Variants in RAPGEF5 observed in about 807,000 individuals in gnomAD.
The protein encoded by RAPGEF5 is M-Ras-regulated GEF.
A neutral mutation model predicts 125.2 loss-of-function variants in RAPGEF5; 65 were observed. The observed-to-expected ratio is 0.52, with a 90% confidence interval of 0.43 to 0.64. The LOEUF is 0.64. Ranked by LOEUF, RAPGEF5 falls within the 30% of genes least tolerant of loss-of-function variation. RAPGEF5 has a pLI of 0.00. For synonymous variants in RAPGEF5, 391 were observed against 385.9 expected, an observed-to-expected ratio of 1.01 and a Z score of -0.16; for missense variants, 958 against 1,048.1, an observed-to-expected ratio of 0.91 and a Z score of 1.19.
chr7:22,308,310 T>C (rs371971866), intron 5 of RAPGEF5, 29 bp downstream of exon 5: 11 of 1,555,364 alleles, frequency 7.1e-6, no homozygotes, highest in Non-Finnish European at 9.6e-6. Context: ...AGTGTAAGAA[T>C]ACAATGGCAC....
At position 22,347,780 on chromosome 7, in the gene RAPGEF5, C is replaced by A. The variant is rs1401473585; in HGVS notation, c.231+9050G>T. Among the ~76,000 whole-genome samples the A allele has an allele frequency of 2.0e-5, 3 of 152,152 alleles. No homozygotes were observed. In the East Asian group the frequency reaches 5.8e-4, roughly 29 times the overall value. ...CATCTGCGACATAAGATTGTTGTTACCAGGTCTAAATGAGTTACTGTTCTT... is the reference window on the plus strand; with the variant it reads ...CATCTGCGACATAAGATTGTTGTTAACAGGTCTAAATGAGTTACTGTTCTT... On this transcript the variant is annotated intron_variant, in intron 1 of 25. Coordinates refer to ENST00000665637, the MANE Select transcript of RAPGEF5 (RefSeq NM_012294.5).
intron 1 of RAPGEF5, among the ~76,000 whole-genome samples, chr7:22,330,826 G>A (rs561741453): frequency 5.4e-4 from 82 of 152,272 alleles, no homozygotes; most frequent in African/African-American, 2.0e-3. Flanking sequence ...CTGACCTGAA[G>A]GCACATGGTC....
intron 14 of RAPGEF5, among the ~76,000 whole-genome samples, chr7:22,159,082 G>T (rs890333796): frequency 6.6e-6 from 1 of 152,218 alleles, no homozygotes; most frequent in Non-Finnish European, 1.5e-5. Context: ...TTTCCCAGCT[G>T]TAACAGGTCT....
chr7:22,236,290 A>T (rs1190249353), intron 7 of RAPGEF5, among the ~76,000 whole-genome samples: 2 of 152,028 alleles, frequency 1.3e-5, no homozygotes, highest in East Asian at 3.9e-4. Flanking sequence ...TTATTCTCAA[A>T]TCTGTCTCCA....
intron 1 of RAPGEF5, among the ~76,000 whole-genome samples, chr7:22,340,440 GAGA>G (rs1330644080): frequency 1.3e-5 from 2 of 152,318 alleles, no homozygotes; most frequent in East Asian, 3.9e-4. Context: ...GACCAAACCA[GAGA>G]AGGAGATGGT....
intron 25 of RAPGEF5, among the ~76,000 whole-genome samples, chr7:22,123,284 G>A (rs959091246): frequency 5.3e-5 from 8 of 152,246 alleles, no homozygotes; most frequent in Admixed American, 3.3e-4. Context: ...TGCTGATAAG[G>A]AACCAGGATG....
At chr7:22,188,991 T>C (rs768374430) in intron 11 of RAPGEF5, among the ~76,000 whole-genome samples, 3 of 149,418 alleles carry the variant, frequency 2.0e-5, no homozygotes, top group Non-Finnish European at 4.4e-5. Flanking sequence ...AGGCAAGCTG[T>C]GTAGACACGT....
At chr7:22,239,979 C>T (rs566503219) in intron 7 of RAPGEF5, among the ~76,000 whole-genome samples, 4 of 151,788 alleles carry the variant, frequency 2.6e-5, no homozygotes, top group Admixed American at 6.6e-5. Context: ...GAGGCCGAGG[C>T]GGGCGGATCA....
intron 6 of RAPGEF5, among the ~76,000 whole-genome samples, chr7:22,284,067 C>CTGTGTG (rs1554273151): frequency 0.057 from 8,467 of 149,614 alleles, 390 homozygotes; most frequent in African/African-American, 0.12. Flanking sequence ...TTTTAAAAAG[C>CTGTGTG]TGTGTGTGTG....
intron 20 of RAPGEF5, among the ~76,000 whole-genome samples, chr7:22,143,542 C>G (rs989318665): frequency 6.6e-6 from 1 of 152,208 alleles, no homozygotes; most frequent in African/African-American, 2.4e-5. Context: ...AACTTCCTTA[C>G]AAATCCCCCT....
intron 11 of RAPGEF5, among the ~76,000 whole-genome samples, chr7:22,169,485 G>A (rs982946395): frequency 6.6e-6 from 1 of 152,098 alleles, no homozygotes; most frequent in African/African-American, 2.4e-5. Context: ...GAAGAGTAAT[G>A]TTTACAAATT....
At chr7:22,176,933 C>A (rs1784527598) in intron 11 of RAPGEF5, among the ~76,000 whole-genome samples, 1 of 152,172 alleles carries the variant, frequency 6.6e-6, no homozygotes, top group Non-Finnish European at 1.5e-5. Context: ...TTTAAAAATA[C>A]TGCTAGGACA....
At chr7:22,260,532 T>TTTA (rs570381937) in intron 7 of RAPGEF5, among the ~76,000 whole-genome samples, 19 of 124,162 alleles carry the variant, frequency 1.5e-4, no homozygotes, top group African/African-American at 5.6e-4. Context: ...TTAGGACCAG[T>TTTA]AAAAAAAAAA....
chr7:22,316,483 ATATATAT>A (rs1311889311), intron 2 of RAPGEF5, among the ~76,000 whole-genome samples: 16 of 30,446 alleles, frequency 5.3e-4, no homozygotes, highest in African/African-American at 1.7e-3. Flanking sequence ...ATATATATAT[ATATATAT>A]TTTTTTTTTT....
chr7:22,268,597 C>T (rs188853938), intron 6 of RAPGEF5, among the ~76,000 whole-genome samples: 1 of 152,254 alleles, frequency 6.6e-6, no homozygotes, highest in Non-Finnish European at 1.5e-5. Flanking sequence ...TATAAACATT[C>T]ACAAGGGTCT....
Position 22,291,235 on chromosome 7 carries a change from A to G in RAPGEF5, c.687T>C (p.His229=). ...TTTCTTCGGAGTCTTCAATTTTCTGATGAGACCTAAAAAAAAAAAAAAGAA... is the reference window on the plus strand; with the variant it reads ...TTTCTTCGGAGTCTTCAATTTTCTGGTGAGACCTAAAAAAAAAAAAAAGAA... ...PARGGICELS[H]QKIEDSEESS... The change falls in exon 6 of 26, where the codon CAT becomes CAC. Residue 229 remains histidine, a synonymous_variant. Transcript: ENST00000665637. 1 of 1,540,022 alleles carries G rather than the reference A, an allele frequency of 6.5e-7. No homozygotes were observed. Among genetic ancestry groups the G allele is most frequent in the Non-Finnish European group, 8.7e-7 (1 of 1,147,086 alleles).
intron 24 of RAPGEF5, among the ~76,000 whole-genome samples, chr7:22,126,172 T>C (rs533039321): frequency 6.6e-6 from 1 of 152,032 alleles, no homozygotes; most frequent in South Asian, 2.1e-4. Flanking sequence ...CAAAAAACAG[T>C]AGCACCCAAT....
At chr7:22,197,497 C>T (rs1188889161) in intron 9 of RAPGEF5, among the ~76,000 whole-genome samples, 1 of 152,186 alleles carries the variant, frequency 6.6e-6, no homozygotes, top group African/African-American at 2.4e-5. Context: ...GCTTGTTATA[C>T]TTCTTTTCAT....
At chr7:22,263,750 A>G (rs1378083827) in intron 7 of RAPGEF5, among the ~76,000 whole-genome samples, 5 of 151,842 alleles carry the variant, frequency 3.3e-5, no homozygotes, top group African/African-American at 4.8e-5. Flanking sequence ...AAAACAAAAA[A>G]AAAGAAAAAG....
Sources: gnomAD v4.1 joint callset for allele counts (sites outside exome capture counted in the v4.1 genomes callset) on GRCh38, gnomAD v4.1.1 for gene constraint, MANE v1.5 for transcripts, NCBI Gene and HGNC (gene_info 2026-07-23, HGNC 2026-07-21) for gene names.